The following ADAMTS18 variants were observed in gnomAD, a reference collection of about 807,000 sequenced individuals.
ADAMTS18 encodes the protein ADAM metallopeptidase with thrombospondin type 1 motif 18, also known as A disintegrin and metalloproteinase with thrombospondin motifs 18.
ADAMTS18 carries 157 observed loss-of-function variants against 165.9 expected under a neutral mutation model. The ratio of observed to expected loss-of-function variants is 0.95; its 90% confidence interval spans 0.83 to 1.08. ADAMTS18 has a LOEUF of 1.08. ADAMTS18 is among the 50% of genes least tolerant of loss of function. The pLI is 0.00. For missense variants in ADAMTS18, 2,040 were observed against 1,534.0 expected (o/e 1.33, Z -5.51); for synonymous variants, 782 against 578.2 (o/e 1.35, Z -5.06).
chr16:77,360,859 G>A (rs1399965649), intron 7 of ADAMTS18, among the ~76,000 whole-genome samples: 3 of 152,256 alleles, frequency 2.0e-5, no homozygotes, highest in East Asian at 3.9e-4. Flanking sequence ...GGCTGAGGTG[G>A]GTGGATCATT....
Position 77,300,394 on chromosome 16 carries a change from T to A in ADAMTS18, c.2543A>T (p.Gln848Leu). ...CCAAGCTATCCCTGGATTTTTGCCT[T>A]GCATCAGAATCTGGACAGTGTAAGA... ...NETLVFEILM[Q>L]GKNPGIAWKY... Residue 848 changes from glutamine (Q) to leucine (L), a missense_variant, in exon 17 of 23, where the codon CAA becomes CTA. By Grantham distance (113) the Gln-to-Leu change is moderately radical. Coordinates refer to ENST00000282849, the MANE Select transcript of ADAMTS18 (RefSeq NM_199355.4). 6.2e-7 allele frequency: 1 copy of A among 1,614,068 alleles called. No homozygotes were observed. The highest frequency in any genetic ancestry group is 8.5e-7 in the Non-Finnish European group (1 of 1,179,974).
rs1597167364 is a variant in ADAMTS18 at position 77,359,356 on chromosome 16, A to G, written c.1284T>C (p.Leu428=). The change falls in exon 8 of 23, where the codon CTT becomes CTC. Residue 428 remains leucine, a synonymous_variant. Transcript: ENST00000282849. ...CATGAGCGATGGTGAAGGCAAGGCC[A>G]AGTCCTGTGTCCTCATTGATGGTAC... ...RSCTINEDTG[L]GLAFTIAHES... is the part of the protein sequence containing the mutation. 1 of 1,614,160 alleles carries G rather than the reference A, an allele frequency of 6.2e-7. No individual in the cohort carries two copies. The highest frequency in any genetic ancestry group is 8.5e-7 in the Non-Finnish European group (1 of 1,180,028).
intron 12 of ADAMTS18, among the ~76,000 whole-genome samples, chr16:77,328,377 T>C (rs1351728316): frequency 6.6e-6 from 1 of 152,140 alleles, no homozygotes; most frequent in African/African-American, 2.4e-5. Context: ...GTGATTAAAA[T>C]TCCTTGTCTC....
At chr16:77,286,920 G>A (rs2055264577) in intron 22 of ADAMTS18, among the ~76,000 whole-genome samples, 1 of 152,126 alleles carries the variant, frequency 6.6e-6, no homozygotes, top group African/African-American at 2.4e-5. Flanking sequence ...TCCCCAAGGT[G>A]GAGATCCAAC....
chr16:77,432,601 T>C (rs1352235406), intron 2 of ADAMTS18, among the ~76,000 whole-genome samples: 1 of 152,214 alleles, frequency 6.6e-6, no homozygotes, highest in Non-Finnish European at 1.5e-5. Flanking sequence ...ACAGCCTGCA[T>C]TTCCACTTTC....
chr16:77,356,411 T>A (rs1432774961), intron 8 of ADAMTS18, among the ~76,000 whole-genome samples: 1 of 152,188 alleles, frequency 6.6e-6, no homozygotes, highest in Admixed American at 6.5e-5. Flanking sequence ...TTATTTAGTT[T>A]CAAACAGTAG....
intron 3 of ADAMTS18, among the ~76,000 whole-genome samples, chr16:77,368,872 C>T (rs931684031): frequency 6.6e-6 from 1 of 152,096 alleles, no homozygotes; most frequent in East Asian, 1.9e-4. Flanking sequence ...AAAGGGGAGA[C>T]CCTGGGAAGC....
At chr16:77,362,449 T>A (rs74025956) in intron 6 of ADAMTS18, among the ~76,000 whole-genome samples, 185 bp from the exon 7 acceptor site, 3,034 of 152,326 alleles carry the variant, frequency 0.02, 114 homozygotes, top group African/African-American at 0.07. Context: ...TTAAAGCAAC[T>A]ACAAAGTTTC....
intron 16 of ADAMTS18, among the ~76,000 whole-genome samples, chr16:77,303,962 G>A (rs906800425): frequency 2.0e-5 from 3 of 152,112 alleles, no homozygotes; most frequent in Admixed American, 1.3e-4. Context: ...CTCAGGAGGC[G>A]GAGCTTGCAG....
chr16:77,399,639 A>G (rs2057301012), intron 3 of ADAMTS18, among the ~76,000 whole-genome samples: 1 of 152,194 alleles, frequency 6.6e-6, no homozygotes, highest in African/African-American at 2.4e-5. Context: ...AGAAAACACT[A>G]TACACTTCAT....
intron 14 of ADAMTS18, among the ~76,000 whole-genome samples, chr16:77,321,624 G>C (rs1483929149): frequency 6.6e-6 from 1 of 152,008 alleles, no homozygotes. Context: ...CAAAGTGAAA[G>C]GAAAAATAAC....
intron 3 of ADAMTS18, among the ~76,000 whole-genome samples, chr16:77,399,943 A>G (rs1265789656): frequency 6.6e-6 from 1 of 152,174 alleles, no homozygotes; most frequent in Non-Finnish European, 1.5e-5. Flanking sequence ...TATCTTTAGG[A>G]AGAGAGTGGC....
chr16:77,394,012 T>G (rs2057224744), intron 3 of ADAMTS18, among the ~76,000 whole-genome samples: 2 of 152,240 alleles, frequency 1.3e-5, no homozygotes, highest in African/African-American at 4.8e-5. Context: ...GCTGAGATAT[T>G]TGATTCAAGT....
At chr16:77,337,375 A>C (rs557731033) in intron 11 of ADAMTS18, among the ~76,000 whole-genome samples, 1 of 152,364 alleles carries the variant, frequency 6.6e-6, no homozygotes, top group South Asian at 2.1e-4. Context: ...TGTGCCAAAA[A>C]TGATGCAGAG....
intron 3 of ADAMTS18, among the ~76,000 whole-genome samples, chr16:77,428,892 C>T (rs530762476): frequency 1.3e-5 from 2 of 152,288 alleles, no homozygotes; most frequent in South Asian, 2.1e-4. Context: ...TGTGACTCAA[C>T]AACTTTATTC....
intron 10 of ADAMTS18, among the ~76,000 whole-genome samples, chr16:77,343,275 C>A (rs552740958): frequency 4.6e-5 from 7 of 152,186 alleles, no homozygotes; most frequent in Admixed American, 1.3e-4. Flanking sequence ...GGTTTCACCA[C>A]GTTGGCCAGG....
Position 77,434,961 on chromosome 16 carries a change from G to A in ADAMTS18, c.-266C>T. On this transcript the variant is annotated 5_prime_UTR_variant, in exon 1 of 23. Transcript: ENST00000282849. ...CGGGGGGCTCCCTGGGCCGGGACTG[G>A]AGCGCAAACGGTTGGGAGACTGTCG... is the stretch of plus-strand genomic sequence containing the variant. The A allele has an allele frequency of 3.0e-6, 1 of 330,464 alleles. No homozygotes were observed. The highest frequency in any genetic ancestry group is 5.4e-6 in the Non-Finnish European group (1 of 183,650). The allele number at this position is 330,464 out of a possible 1,614,324, so 20.5% of individuals were successfully genotyped here.
chr16:77,383,216 G>C lies in ADAMTS18; in HGVS notation c.496-15493C>G, dbSNP rs75020824. Reference sequence around the variant, plus strand: ...AATCTCTCTTCTCCCTTGCTCCAGAGTTGTTTTTTCCAAAGCATCGCTTTT... The same window carrying C: ...AATCTCTCTTCTCCCTTGCTCCAGACTTGTTTTTTCCAAAGCATCGCTTTT... On this transcript the variant is annotated intron_variant, in intron 3 of 22. Transcript: ENST00000282849. 8.5e-5 allele frequency among the ~76,000 whole-genome samples: 13 copies of C among 152,146 alleles called. No individual in the cohort carries two copies. In the East Asian group the frequency reaches 2.1e-3, roughly 25 times the overall value.
chr16:77,287,879 CTTA>C (rs2144554009), intron 22 of ADAMTS18, among the ~76,000 whole-genome samples: 1 of 152,276 alleles, frequency 6.6e-6, no homozygotes, highest in South Asian at 2.1e-4. Context: ...TATTCCACCA[CTTA>C]TTTGTTGTTG....
Sources: allele counts gnomAD v4.1 joint callset (sites outside exome capture counted in the v4.1 genomes callset), GRCh38; gene constraint gnomAD v4.1.1; transcripts MANE v1.5; gene names NCBI Gene and HGNC (gene_info 2026-07-23, HGNC 2026-07-21).